Variants in HHIP observed in about 807,000 individuals in gnomAD.
The protein encoded by HHIP is hedgehog interacting protein.
HHIP carries 12 observed loss-of-function variants against 74.0 expected under a neutral mutation model. That is an observed-to-expected ratio of 0.16 (90% CI 0.10 to 0.26). The LOEUF (loss-of-function observed/expected upper bound fraction) is 0.26, where lower values mean the gene tolerates loss of function less well. HHIP is among the 10% of genes least tolerant of loss of function. HHIP has a pLI of 1.00. For missense variants in HHIP, 788 were observed against 845.0 expected (o/e 0.93, Z 0.84); for synonymous variants, 309 against 311.6 (o/e 0.99, Z 0.09).
intron 4 of HHIP, among the ~76,000 whole-genome samples, chr4:144,667,533 G>A (rs1728909328): frequency 6.6e-6 from 1 of 152,128 alleles, no homozygotes; most frequent in East Asian, 1.9e-4. Context: ...ATTTAAATGT[G>A]TTACTAGAGA....
chr4:144,697,953 A>G (rs957770657), intron 4 of HHIP, among the ~76,000 whole-genome samples: 3 of 152,146 alleles, frequency 2.0e-5, no homozygotes, highest in Non-Finnish European at 4.4e-5. Context: ...AAGAGAGTAG[A>G]AAAGAGAATT....
intron 11 of HHIP, among the ~76,000 whole-genome samples, chr4:144,731,655 G>A (rs1041010675): frequency 5.3e-5 from 8 of 152,028 alleles, no homozygotes; most frequent in Non-Finnish European, 8.8e-5. Context: ...CCTGACCTCA[G>A]GTGATCCACC....
intron 2 of HHIP, among the ~76,000 whole-genome samples, chr4:144,654,034 C>T (rs958580704): frequency 6.6e-6 from 1 of 152,110 alleles, no homozygotes; most frequent in Non-Finnish European, 1.5e-5. Flanking sequence ...TTGCTGGAAA[C>T]TTCAAGTCTT....
At chr4:144,685,885 A>T (rs1729471242) in intron 4 of HHIP, among the ~76,000 whole-genome samples, 1 of 152,180 alleles carries the variant, frequency 6.6e-6, no homozygotes, top group South Asian at 2.1e-4. Flanking sequence ...TCACTATATT[A>T]AGCCAGGACT....
Position 144,708,257 on chromosome 4 carries a change from A to G in HHIP, c.1247A>G (p.Asn416Ser), listed in dbSNP as rs756150873. ...ATACCAAGGAGCAACCCACACTTCAACAGCACCAACCAGCCCCCCGAAGTG... is the reference window on the plus strand; with the variant it reads ...ATACCAAGGAGCAACCCACACTTCAGCAGCACCAACCAGCCCCCCGAAGTG... Reference protein sequence around the residue: ...YSIPRSNPHFNSTNQPPEVFA... With the variant: ...YSIPRSNPHFSSTNQPPEVFA... Residue 416 changes from asparagine (N) to serine (S), a missense_variant, in exon 7 of 13, where the codon AAC (asparagine) becomes AGC (serine). By Grantham distance (46) the Asn-to-Ser change is conservative (BLOSUM62 1). Coordinates refer to ENST00000296575, the MANE Select transcript of HHIP (RefSeq NM_022475.3). The G allele has an allele frequency of 1.2e-6, 2 of 1,614,134 alleles. No individual in the cohort carries two copies. The highest frequency in any genetic ancestry group is 1.7e-5 in the Admixed American group (1 of 60,002).
chr4:144,675,537 AAG>A (rs979082798), intron 4 of HHIP, among the ~76,000 whole-genome samples: 44 of 152,208 alleles, frequency 2.9e-4, no homozygotes, highest in African/African-American at 9.4e-4. Context: ...ATAAAATACA[AAG>A]AGATTATTAA....
At chr4:144,727,430 C>G (rs568695991) in intron 11 of HHIP, among the ~76,000 whole-genome samples, 2 of 152,202 alleles carry the variant, frequency 1.3e-5, no homozygotes, top group African/African-American at 4.8e-5. Context: ...GTAACAGCCC[C>G]CTTATTTTAA....
intron 4 of HHIP, among the ~76,000 whole-genome samples, chr4:144,680,569 T>C (rs902139893): frequency 6.6e-6 from 1 of 152,220 alleles, no homozygotes; most frequent in Non-Finnish European, 1.5e-5. Context: ...ACTTAGTAAA[T>C]GTCTTCCCTG....
intron 4 of HHIP, among the ~76,000 whole-genome samples, chr4:144,705,919 G>A (rs1334368933): frequency 6.6e-6 from 1 of 152,136 alleles, no homozygotes; most frequent in African/African-American, 2.4e-5. Context: ...CCTATGCAGC[G>A]AAGGGATTCA....
In HHIP at chr4:144,660,160, T is replaced by G. The variant is rs1416552206; in HGVS notation, c.831+322T>G. 1.1e-5 allele frequency: 4 copies of G among 379,674 alleles called. No homozygotes were observed. The East Asian group carries it at 1.5e-4, about 14-fold the overall frequency. 23.5% of individuals were successfully genotyped at this position (379,674 alleles called of 1,614,324 possible). On this transcript the variant is annotated intron_variant, in intron 4 of 12. Transcript: ENST00000296575. ...AATGGGCATAACACAGGACTGTACA[T>G]CAGCATTTGCTAGTAGAAACAAAGA... is the stretch of plus-strand genomic sequence containing the variant.
At chr4:144,732,743 G>A (rs1239287596) in intron 11 of HHIP, among the ~76,000 whole-genome samples, 2 of 152,190 alleles carry the variant, frequency 1.3e-5, no homozygotes, top group African/African-American at 4.8e-5. Context: ...ATCTCATGGG[G>A]TAGTATGTGA....
Position 144,684,871 on chromosome 4 carries a change from G to A in HHIP, c.832-21660G>A, listed in dbSNP as rs546641998. 1.5e-3 allele frequency among the ~76,000 whole-genome samples: 223 copies of A among 152,182 alleles called. 5 individuals carry two copies. Among genetic ancestry groups the A allele is most frequent in the African/African-American group, 5.1e-3 (212 of 41,506 alleles). ...TAGGATTTCCACCACTAATTGGTCT[G>A]CCTGGGTCTTGTACACATATTTCAA... is the stretch of plus-strand genomic sequence containing the variant. On this transcript the variant is annotated intron_variant, in intron 4 of 12. Coordinates refer to ENST00000296575, the MANE Select transcript of HHIP (RefSeq NM_022475.3).
chr4:144,658,305 A>G (rs1728603274), intron 2 of HHIP, among the ~76,000 whole-genome samples: 1 of 152,078 alleles, frequency 6.6e-6, no homozygotes, highest in South Asian at 2.1e-4. Context: ...AGTTTAAAAC[A>G]CAAATGGGAA....
intron 8 of HHIP, 104 bp from the exon 9 acceptor site, chr4:144,714,121 A>T: frequency 1.0e-6 from 1 of 989,174 alleles, no homozygotes; most frequent in South Asian, 1.5e-5. Flanking sequence ...GTATCATAGA[A>T]CACATTTCAG....
At chr4:144,711,202 T>G (rs2126659703) in intron 7 of HHIP, among the ~76,000 whole-genome samples, 1 of 152,310 alleles carries the variant, frequency 6.6e-6, no homozygotes, top group African/African-American at 2.4e-5. Context: ...AGCACATGTT[T>G]TCCTGTGTTA....
At chr4:144,713,157 C>T (rs1730348512) in intron 8 of HHIP, among the ~76,000 whole-genome samples, 1 of 151,966 alleles carries the variant, frequency 6.6e-6, no homozygotes, top group Non-Finnish European at 1.5e-5. Flanking sequence ...TACTCATTTC[C>T]TTTACAGAAC....
chr4:144,679,808 A>G (rs1212805109), intron 4 of HHIP, among the ~76,000 whole-genome samples: 1 of 152,188 alleles, frequency 6.6e-6, no homozygotes, highest in East Asian at 1.9e-4. Flanking sequence ...ATTTCTTTAT[A>G]CTTTGAAATA....
At chr4:144,717,150 C>T (rs1422128707) in intron 10 of HHIP, among the ~76,000 whole-genome samples, 1 of 152,082 alleles carries the variant, frequency 6.6e-6, no homozygotes, top group African/African-American at 2.4e-5. Flanking sequence ...TACAGTTTCA[C>T]TGGATTACAT....
chr4:144,735,447 C>T (rs1021389631), intron 12 of HHIP, among the ~76,000 whole-genome samples: 5 of 152,136 alleles, frequency 3.3e-5, no homozygotes, highest in Admixed American at 6.6e-5. Flanking sequence ...ACTAGGTGTG[C>T]ATCTGCTCAG....
Sources: allele counts gnomAD v4.1 joint callset (sites outside exome capture counted in the v4.1 genomes callset), GRCh38; gene constraint gnomAD v4.1.1; transcripts MANE v1.5; gene names NCBI Gene and HGNC (gene_info 2026-07-23, HGNC 2026-07-21).